Variants in KREMEN1 observed in about 807,000 individuals in gnomAD.
The protein encoded by KREMEN1 is kringle containing transmembrane protein 1, also known as kremen protein 1.
A neutral mutation model predicts 46.5 loss-of-function variants in KREMEN1; 30 were observed. The ratio of observed to expected loss-of-function variants is 0.65; its 90% CI spans 0.48 to 0.88. The LOEUF is 0.88. Among genes scored for constraint, KREMEN1 ranks in the 40% least tolerant of loss-of-function variants. The pLI is 0.00. For missense variants in KREMEN1, 533 were observed against 596.9 expected (o/e 0.89, Z 1.11); for synonymous variants, 214 against 230.6 (o/e 0.93, Z 0.65).
chr22:29,145,251 A>C lies in KREMEN1; in HGVS notation c.*3139A>C, dbSNP rs547985188. 262 of 985,506 alleles carry C rather than the reference A, an allele frequency of 2.7e-4. No homozygotes were observed. The highest frequency in any genetic ancestry group is 3.1e-4 in the Non-Finnish European group (258 of 830,028). 61.0% of individuals were successfully genotyped at this position (985,506 alleles called of 1,614,324 possible). The stretch of plus-strand genomic sequence containing the variant: ...TTAGGAAACTCCTTAGATGAGATAA[A>C]GTGGGGGTTGGAGGTGGCGAAAAGA... On this transcript the variant is annotated 3_prime_UTR_variant, in exon 9 of 9. Transcript: ENST00000400335.
chr22:29,162,323 G>A (rs1041404760), intron 9 of KREMEN1, among the ~76,000 whole-genome samples: 15 of 152,040 alleles, frequency 9.9e-5, no homozygotes, highest in African/African-American at 2.4e-4. Context: ...ACTAGGCATC[G>A]AAGGAATGTA....
intron 5 of KREMEN1, among the ~76,000 whole-genome samples, chr22:29,132,070 C>G (rs957801317): frequency 6.6e-6 from 1 of 151,674 alleles, no homozygotes; most frequent in African/African-American, 2.4e-5. Context: ...TGGGGTTTCT[C>G]CGGGTTGGTC....
At chr22:29,108,740 C>T (rs1318037547) in intron 3 of KREMEN1, among the ~76,000 whole-genome samples, 1 of 152,156 alleles carries the variant, frequency 6.6e-6, no homozygotes, top group African/African-American at 2.4e-5. Context: ...AGTGGCTGCT[C>T]CCTGTGGCCT....
At chr22:29,078,421 A>C (rs913664771) in intron 1 of KREMEN1, among the ~76,000 whole-genome samples, 2 of 151,680 alleles carry the variant, frequency 1.3e-5, no homozygotes, top group Non-Finnish European at 2.9e-5. Context: ...TGAGAGATCT[A>C]TTTCTCAGAG....
chr22:29,132,326 T>G (rs185713867), intron 5 of KREMEN1, among the ~76,000 whole-genome samples: 5 of 152,344 alleles, frequency 3.3e-5, no homozygotes, highest in Admixed American at 3.3e-4. Context: ...AAAGCTGTTG[T>G]AAACATCCAA....
chr22:29,158,178 G>C (rs1268213856), intron 9 of KREMEN1, among the ~76,000 whole-genome samples: 15 of 152,172 alleles, frequency 9.9e-5, no homozygotes, highest in Non-Finnish European at 1.8e-4. Context: ...TGAGAAACAC[G>C]GGTAAAACAC....
At chr22:29,138,869 T>A (rs1569335390) in intron 7 of KREMEN1, 87 bp downstream of exon 7, 1 of 1,587,056 alleles carries the variant, frequency 6.3e-7, no homozygotes, top group Non-Finnish European at 8.7e-7. Context: ...CAAAAGCACT[T>A]GGGTGTTTCT....
chr22:29,167,203 G>A, exon 10 of KREMEN1: 1 of 1,002,760 alleles, frequency 1.0e-6, no homozygotes, highest in South Asian at 1.4e-5. Flanking sequence ...GAAATGGTGG[G>A]CTCTCTCTGG....
Position 29,108,865 on chromosome 22 carries a change from C to T in KREMEN1, c.352+9912C>T, listed in dbSNP as rs543053642. 1.1e-4 allele frequency among the ~76,000 whole-genome samples: 16 copies of T among 152,338 alleles called. No individual in the cohort carries two copies. In the South Asian group the frequency reaches 2.5e-3, roughly 24 times the overall value. Reference sequence around the variant, plus strand: ...AGTGCAGTGGCACGATCATGGATCACTGCAGCCTTGACCTCCCAGACTCAA... The same window carrying T: ...AGTGCAGTGGCACGATCATGGATCATTGCAGCCTTGACCTCCCAGACTCAA... On this transcript the variant is annotated intron_variant, in intron 3 of 8. Transcript: ENST00000400335.
rs1472502421 is a variant in KREMEN1 at position 29,073,254 on chromosome 22, C to T, written c.97+27C>T. 2.7e-5 allele frequency: 29 copies of T among 1,054,730 alleles called. No individual in the cohort carries two copies. The highest frequency in any genetic ancestry group is 3.2e-5 in the Non-Finnish European group (27 of 841,400). The allele number at this position is 1,054,730 out of a possible 1,614,324, so 65.3% of individuals were successfully genotyped here. A position where few individuals can be genotyped will look rare whatever the true frequency, so the allele number is the denominator to read the frequency against. Reference sequence around the variant, plus strand: ...TGAGTGTGAGCGACCCCCCGCCGCCCGCCCTGAGCGGAGCCCACTCGAGGG... The same window carrying T: ...TGAGTGTGAGCGACCCCCCGCCGCCTGCCCTGAGCGGAGCCCACTCGAGGG... On this transcript the variant is annotated intron_variant, in intron 1 of 8. Transcript: ENST00000400335. This position sits in a 1 kb window ranked among gnomAD's most constrained non-coding sequence, Gnocchi z 4.4.
At chr22:29,131,637 TATGTGTGTATATATATGTATATATATAC>T (rs2038547767) in intron 5 of KREMEN1, among the ~76,000 whole-genome samples, 1 of 127,830 alleles carries the variant, frequency 7.8e-6, no homozygotes, top group East Asian at 2.4e-4. Flanking sequence ...TATGTATATA[TATGTGTGTATATATATGTATATATATAC>T]ATGTATATAT....
intron 3 of KREMEN1, among the ~76,000 whole-genome samples, chr22:29,113,365 G>A (rs941013003): frequency 2.6e-5 from 4 of 152,126 alleles, no homozygotes; most frequent in African/African-American, 4.8e-5. Context: ...TTTAATATCC[G>A]GAATCAAACC....
chr22:29,146,897 A>G (rs1474011990), downstream of KREMEN1: 1 of 626,208 alleles, frequency 1.6e-6, no homozygotes. Context: ...CTGTGGTGGG[A>G]TTCCTGCCTC....
Position 29,159,625 on chromosome 22 carries a change from AAAAAAC to A in KREMEN1, c.1417-7407_1417-7402del, listed in dbSNP as rs2038993351. On this transcript the variant is annotated intron_variant, in intron 9 of 9. Coordinates refer to the KREMEN1 transcript ENST00000327813. The stretch of plus-strand genomic sequence containing the variant: ...CAGAGCGAGACTCTGTCTAAAAAAT[AAAAAAC>A]AAAAACAAAAATAAATAAATAAACA... Among the ~76,000 whole-genome samples, 3 of 111,494 alleles carry A rather than the reference AAAAAAC, an allele frequency of 2.7e-5. 1 individual carries two copies. The South Asian group carries it at 9.5e-4, about 35-fold the overall frequency. 73.1% of individuals were successfully genotyped at this position (111,494 alleles called of 152,430 possible).
intron 1 of KREMEN1, among the ~76,000 whole-genome samples, chr22:29,075,136 A>G (rs2037546533): frequency 6.6e-6 from 1 of 152,188 alleles, no homozygotes; most frequent in African/African-American, 2.4e-5. Flanking sequence ...CTTCTACAGT[A>G]TGATCACTTC....
In KREMEN1 at chr22:29,156,257, C is replaced by T. The variant is rs551953629; in HGVS notation, c.1417-10787C>T. On this transcript the variant is annotated intron_variant, in intron 9 of 9. Coordinates refer to the KREMEN1 transcript ENST00000327813. The stretch of plus-strand genomic sequence containing the variant: ...AGGGAGTCTCCCAGAAGCTTTGGGC[C>T]AGCAGAATGCTCAGCTCCCAAGCCA... 1.7e-4 allele frequency among the ~76,000 whole-genome samples: 26 copies of T among 152,380 alleles called. No individual in the cohort carries two copies. In the South Asian group the frequency reaches 5.4e-3, roughly 32 times the overall value.
downstream of KREMEN1, among the ~76,000 whole-genome samples, chr22:29,147,021 A>G (rs552611723): frequency 7.2e-5 from 11 of 152,238 alleles, no homozygotes; most frequent in South Asian, 2.1e-3. Context: ...GTACGATCTG[A>G]AAGATTAGGT....
chr22:29,130,446 T>C (rs972682452), intron 5 of KREMEN1, among the ~76,000 whole-genome samples: 1 of 152,184 alleles, frequency 6.6e-6, no homozygotes, highest in Admixed American at 6.5e-5. Flanking sequence ...ATGACATGCA[T>C]TGACTAAAAG....
At chr22:29,104,436 A>G (rs757000454) in intron 3 of KREMEN1, among the ~76,000 whole-genome samples, 81 of 151,962 alleles carry the variant, frequency 5.3e-4, no homozygotes, top group Middle Eastern at 3.2e-3. Flanking sequence ...GATTGCAGGC[A>G]TAAGCCACCA....
Sources: gnomAD v4.1 joint callset for allele counts (sites outside exome capture counted in the v4.1 genomes callset) on GRCh38, gnomAD v4.1.1 for gene constraint, Gnocchi (gnomAD v3.1) non-coding constraint, MANE v1.5 for transcripts, NCBI Gene and HGNC (gene_info 2026-07-23, HGNC 2026-07-21) for gene names.